PTPRD: variants seen among roughly 807,000 people sequenced by gnomAD.
PTPRD encodes the protein receptor-type tyrosine-protein phosphatase delta.
PTPRD carries 34 observed loss-of-function variants against 214.5 expected under a neutral mutation model. The observed-to-expected ratio is 0.16, with a 90% CI of 0.12 to 0.21. The LOEUF (loss-of-function observed/expected upper bound fraction) is 0.21, where lower values mean the gene tolerates loss of function less well. Ranked by LOEUF, PTPRD falls within the 10% of genes least tolerant of loss-of-function variation. PTPRD has a pLI of 1.00. For synonymous variants in PTPRD, 1,128 were observed against 845.7 expected (o/e 1.33, Z -5.79); for missense variants, 2,545 against 2,398.7 (o/e 1.06, Z -1.27).
chr9:8,857,502 C>G (rs2097948313), intron 11 of PTPRD: 1 of 152,242 alleles, frequency 6.6e-6, no homozygotes, highest in Non-Finnish European at 1.5e-5. Context: ...GGTGCCCGGG[C>G]GCCGGGCTCG....
intron 6 of PTPRD, among the ~76,000 whole-genome samples, chr9:9,755,446 CA>C (rs750651241): frequency 5.3e-5 from 8 of 152,012 alleles, no homozygotes; most frequent in Non-Finnish European, 1.2e-4. Flanking sequence ...AAGAATAAGG[CA>C]GAGCTCCTCA....
At chr9:8,385,404 T>G (rs2086627681) in intron 37 of PTPRD, among the ~76,000 whole-genome samples, 1 of 152,186 alleles carries the variant, frequency 6.6e-6, no homozygotes, top group African/African-American at 2.4e-5. Flanking sequence ...TGTGCACCTG[T>G]AGTCCCTGCT....
intron 4 of PTPRD, among the ~76,000 whole-genome samples, chr9:9,970,053 C>T (rs2154042781): frequency 6.6e-6 from 1 of 152,030 alleles, no homozygotes; most frequent in African/African-American, 2.4e-5. Context: ...CCTGTATGGG[C>T]CTTAAGGTGA....
At chr9:9,673,110 G>C (rs1000481449) in intron 7 of PTPRD, among the ~76,000 whole-genome samples, 9 of 152,086 alleles carry the variant, frequency 5.9e-5, no homozygotes, top group Admixed American at 1.3e-4. Context: ...TACAAATTTT[G>C]AAGTTAATTC....
At chr9:9,123,399 C>T (rs1199756007) in intron 10 of PTPRD, among the ~76,000 whole-genome samples, 1 of 152,172 alleles carries the variant, frequency 6.6e-6, no homozygotes, top group Non-Finnish European at 1.5e-5. Flanking sequence ...TTTAACTCCT[C>T]AGTACAATAA....
chr9:10,124,235 G>T (rs1037365768), intron 3 of PTPRD, among the ~76,000 whole-genome samples: 3 of 152,204 alleles, frequency 2.0e-5, no homozygotes, highest in African/African-American at 7.2e-5. Flanking sequence ...GTTAGAAGAA[G>T]TTACTCATTT....
At chr9:9,074,397 G>A (rs1208421298) in intron 10 of PTPRD, among the ~76,000 whole-genome samples, 2 of 152,090 alleles carry the variant, frequency 1.3e-5, no homozygotes, top group African/African-American at 2.4e-5. Flanking sequence ...GCAAATTTTG[G>A]TGGAACACTC....
At chr9:9,087,810 T>A (rs2099769365) in intron 10 of PTPRD, among the ~76,000 whole-genome samples, 1 of 150,772 alleles carries the variant, frequency 6.6e-6, no homozygotes, top group South Asian at 2.1e-4. Flanking sequence ...TGCCTGCTCT[T>A]CACTCAACAC....
intron 2 of PTPRD, among the ~76,000 whole-genome samples, chr9:10,374,809 G>A (rs1054477949): frequency 2.6e-5 from 4 of 151,796 alleles, no homozygotes; most frequent in Admixed American, 6.6e-5. Context: ...GGTGGGGGGC[G>A]GTATATATGA....
rs1238777751 is a variant in PTPRD, at chr9:8,636,714, G to A, written c.195C>T (p.Ser65=). Residue 65 remains serine (S), a synonymous_variant, in exon 13 of 46, where the codon AGC becomes AGT. Coordinates refer to ENST00000381196, the MANE Select transcript of PTPRD (RefSeq NM_002839.4). ...GACCTAATACCTCAAATCTCTGATT[G>A]CTGACTTTCTTTCCTTTTTTGTTCC... ...IVWNKKGKKV[S]NQRFEVIEFD... 6.2e-7 allele frequency: 1 copy of A among 1,613,964 alleles called. No individual in the cohort carries two copies. Among genetic ancestry groups the A allele is most frequent in the Admixed American group, 1.7e-5 (1 of 60,014 alleles).
intron 5 of PTPRD, among the ~76,000 whole-genome samples, chr9:9,788,805 G>T (rs932961242): frequency 6.6e-6 from 1 of 151,822 alleles, no homozygotes; most frequent in Admixed American, 6.6e-5. Flanking sequence ...TTTTCTGCAT[G>T]AAGTTGACAT....
At chr9:9,315,944 A>G (rs1028033529) in intron 9 of PTPRD, among the ~76,000 whole-genome samples, 5 of 149,092 alleles carry the variant, frequency 3.4e-5, no homozygotes, top group African/African-American at 1.2e-4. Flanking sequence ...ATTTTTAATT[A>G]ATTGACATAT....
intron 9 of PTPRD, among the ~76,000 whole-genome samples, chr9:9,224,464 A>T (rs1217728900): frequency 2.6e-5 from 4 of 152,112 alleles, no homozygotes; most frequent in Non-Finnish European, 4.4e-5. Context: ...AAATTTAAGT[A>T]TGGCTTTCAT....
intron 10 of PTPRD, among the ~76,000 whole-genome samples, chr9:9,143,821 C>A (rs565572996): frequency 2.6e-5 from 4 of 152,248 alleles, no homozygotes; most frequent in Admixed American, 6.5e-5. Flanking sequence ...GTAACATAAC[C>A]GATTATAAAA....
rs369253000 is a variant in PTPRD at position 9,330,919 on chromosome 9, GA to G, written c.-203+66529del. On this transcript the variant is annotated intron_variant, in intron 9 of 45. Coordinates refer to ENST00000381196, the MANE Select transcript of PTPRD (RefSeq NM_002839.4). ...GAAAAGAAGAGCTTTTTTTTTTTTT[GA>G]AATGATATCTTTGCAGCAATTAACA... 5.3e-3 allele frequency among the ~76,000 whole-genome samples: 730 copies of G among 138,190 alleles called. 3 individuals carry two copies. Among genetic ancestry groups the G allele is most frequent in the Admixed American group, 8.0e-3 (110 of 13,752 alleles). 90.7% of individuals were successfully genotyped at this position (138,190 alleles called of 152,430 possible).
intron 2 of PTPRD, among the ~76,000 whole-genome samples, chr9:10,520,446 C>G (rs1368808617): frequency 6.6e-6 from 1 of 152,132 alleles, no homozygotes; most frequent in African/African-American, 2.4e-5. Flanking sequence ...GAAGCCATCT[C>G]CATAACATAA....
intron 8 of PTPRD, among the ~76,000 whole-genome samples, chr9:9,409,703 C>G (rs539438117): frequency 6.6e-6 from 1 of 151,920 alleles, no homozygotes; most frequent in East Asian, 1.9e-4. Context: ...CCCAAGAAAT[C>G]GTAGAAAAGC....
chr9:10,422,868 A>T (rs1440694945), intron 2 of PTPRD, among the ~76,000 whole-genome samples: 9 of 151,964 alleles, frequency 5.9e-5, no homozygotes, highest in Non-Finnish European at 1.2e-4. Flanking sequence ...GAGTGTAAAC[A>T]AGTTCAACCA....
intron 3 of PTPRD, among the ~76,000 whole-genome samples, chr9:10,311,798 C>T (rs902103675): frequency 2.6e-5 from 4 of 152,042 alleles, no homozygotes; most frequent in Non-Finnish European, 5.9e-5. Flanking sequence ...CCATAATGTG[C>T]TTTCCATCCT....
Sources: gnomAD v4.1 joint callset for allele counts (sites outside exome capture counted in the v4.1 genomes callset) on GRCh38, gnomAD v4.1.1 for gene constraint, MANE v1.5 for transcripts, NCBI Gene and HGNC (gene_info 2026-07-23, HGNC 2026-07-21) for gene names.